The following ESRRG variants were observed in gnomAD, a reference collection of about 807,000 sequenced individuals.
ESRRG encodes the protein estrogen related receptor gamma, also known as estrogen-related receptor gamma.
A neutral mutation model predicts 44.0 loss-of-function variants in ESRRG; 13 were observed. That is an observed-to-expected ratio of 0.30 (90% confidence interval 0.19 to 0.47). ESRRG has a LOEUF of 0.47. ESRRG is among the 20% of genes least tolerant of loss of function. ESRRG has a pLI of 1.00. For missense variants in ESRRG, 395 were observed against 580.6 expected (o/e 0.68, Z 3.29); for synonymous variants, 215 against 214.6 (o/e 1.00, Z -0.02).
chr1:216,696,212 A>T (rs2151803495), intron 1 of ESRRG, among the ~76,000 whole-genome samples: 1 of 152,316 alleles, frequency 6.6e-6, no homozygotes, highest in Admixed American at 6.5e-5. Flanking sequence ...TTTACAGATG[A>T]GGAAAGAAAG....
intron 1 of ESRRG, among the ~76,000 whole-genome samples, chr1:217,036,765 A>G (rs2082971052): frequency 6.6e-6 from 1 of 152,054 alleles, no homozygotes; most frequent in Non-Finnish European, 1.5e-5. Context: ...AACCTCCATG[A>G]CACAATTTTA....
At chr1:216,640,176 AG>A (rs2066104160) in intron 3 of ESRRG, among the ~76,000 whole-genome samples, 1 of 152,156 alleles carries the variant, frequency 6.6e-6, no homozygotes, top group South Asian at 2.1e-4. Flanking sequence ...GTAGCCACAA[AG>A]CCGCACTGGC....
intron 3 of ESRRG, among the ~76,000 whole-genome samples, chr1:216,586,952 C>T (rs1227435566): frequency 3.9e-5 from 6 of 152,122 alleles, no homozygotes; most frequent in Non-Finnish European, 7.3e-5. Flanking sequence ...CTCCTTGAAA[C>T]TTCAACATCT....
intron 1 of ESRRG, among the ~76,000 whole-genome samples, chr1:216,990,109 C>T (rs2075453921): frequency 6.6e-6 from 1 of 152,076 alleles, no homozygotes; most frequent in South Asian, 2.1e-4. Context: ...GGAATGTCAC[C>T]AGAAATTTGT....
chr1:216,544,886 C>T (rs953385379), intron 5 of ESRRG, among the ~76,000 whole-genome samples: 1 of 151,834 alleles, frequency 6.6e-6, no homozygotes, highest in African/African-American at 2.4e-5. Flanking sequence ...CTGCATAAAA[C>T]TATGGTTTTA....
intron 1 of ESRRG, among the ~76,000 whole-genome samples, chr1:216,996,577 A>C (rs116471814): frequency 6.6e-6 from 1 of 152,166 alleles, no homozygotes; most frequent in Non-Finnish European, 1.5e-5. Flanking sequence ...GGTGAGAAAG[A>C]GTCAAGGAGT....
chr1:216,733,287 G>T (rs12089589), intron 2 of ESRRG, among the ~76,000 whole-genome samples: 9,341 of 151,070 alleles, frequency 0.062, 362 homozygotes, highest in African/African-American at 0.091. Flanking sequence ...GTGCTTTGGG[G>T]CCTGGGTATG....
At chr1:216,699,020 C>G (rs996194581) in intron 1 of ESRRG, among the ~76,000 whole-genome samples, 1 of 152,170 alleles carries the variant, frequency 6.6e-6, no homozygotes, top group African/African-American at 2.4e-5. Flanking sequence ...TGGAACCTCA[C>G]GAGGCTGAGG....
At chr1:217,018,828 A>G (rs2079843914) in intron 1 of ESRRG, among the ~76,000 whole-genome samples, 1 of 152,132 alleles carries the variant, frequency 6.6e-6, no homozygotes. Flanking sequence ...GCCAGCAGCT[A>G]TCATGCCCTA....
intron 1 of ESRRG, among the ~76,000 whole-genome samples, chr1:217,104,777 A>C (rs1351470027): frequency 6.6e-6 from 1 of 152,222 alleles, no homozygotes; most frequent in Non-Finnish European, 1.5e-5. Flanking sequence ...ATCAGCAGCC[A>C]CAGTTTTTCC....
At chr1:216,986,181 T>A (rs763721699) in intron 1 of ESRRG, among the ~76,000 whole-genome samples, 6 of 152,212 alleles carry the variant, frequency 3.9e-5, no homozygotes, top group Non-Finnish European at 5.9e-5. Flanking sequence ...TCCTGGTATT[T>A]GGCAAAGGAA....
At chr1:216,671,306 C>CAGTT in intron 2 of ESRRG, among the ~76,000 whole-genome samples, 1 of 152,276 alleles carries the variant, frequency 6.6e-6, no homozygotes, top group Non-Finnish European at 1.5e-5. Flanking sequence ...AATTTCCAGA[C>CAGTT]AGTTCACCTA....
chr1:216,992,848 G>A (rs2075911151), intron 1 of ESRRG, among the ~76,000 whole-genome samples: 1 of 152,116 alleles, frequency 6.6e-6, no homozygotes, highest in African/African-American at 2.4e-5. Flanking sequence ...TAACCATGGT[G>A]CCAGATGCCT....
chr1:216,555,551 C>A lies in ESRRG; in HGVS notation c.862+8668G>T, dbSNP rs2057366789. On this transcript the variant is annotated intron_variant, in intron 5 of 6. Coordinates refer to ENST00000408911, the MANE Select transcript of ESRRG (RefSeq NM_001438.4). ...TGCCCTCTTTAAAAAAAAAAAAAAA[C>A]CTGAATAGTTAAAACAATTTTAAGA... is the stretch of plus-strand genomic sequence containing the variant. Among the ~76,000 whole-genome samples the A allele has an allele frequency of 2.0e-5, 3 of 148,896 alleles. No individual in the cohort carries two copies. The South Asian group carries it at 6.3e-4, about 31-fold the overall frequency.
chr1:217,062,932 T>C (rs989953742), intron 1 of ESRRG, among the ~76,000 whole-genome samples: 2 of 152,094 alleles, frequency 1.3e-5, no homozygotes, highest in African/African-American at 4.8e-5. Flanking sequence ...AAGGATAAGG[T>C]GCACGCTACT....
chr1:216,535,818 T>C (rs1231259526), intron 5 of ESRRG, among the ~76,000 whole-genome samples: 2 of 152,104 alleles, frequency 1.3e-5, no homozygotes, highest in African/African-American at 4.8e-5. Context: ...TGCCTATCTG[T>C]TTATCTGTCT....
chr1:217,014,305 T>C (rs2079040844), intron 1 of ESRRG, among the ~76,000 whole-genome samples: 1 of 152,094 alleles, frequency 6.6e-6, no homozygotes, highest in African/African-American at 2.4e-5. Flanking sequence ...CTTTATTTCC[T>C]ACTCTTCTTT....
In ESRRG at chr1:216,642,798, A is replaced by G. The variant is rs568831932; in HGVS notation, c.589+8175T>C. On this transcript the variant is annotated intron_variant, in intron 3 of 6. Coordinates refer to ENST00000408911, the MANE Select transcript of ESRRG (RefSeq NM_001438.4). The stretch of plus-strand genomic sequence containing the variant: ...CAGCATAATGATACTAGACTTGAGG[A>G]AAAAAAATCACCTTGGCAATGTCTT... Among the ~76,000 whole-genome samples, 11 of 152,158 alleles carry G rather than the reference A, an allele frequency of 7.2e-5. No homozygotes were observed. The East Asian group carries it at 1.3e-3, about 19-fold the overall frequency.
intron 3 of ESRRG, among the ~76,000 whole-genome samples, chr1:216,644,427 C>CTTTT (rs71161439): frequency 1.9e-4 from 24 of 128,458 alleles, no homozygotes; most frequent in Non-Finnish European, 2.7e-4. Flanking sequence ...TTCTTTCTTT[C>CTTTT]TTTTTTTTTT....
Sources: gnomAD v4.1 joint callset for allele counts (sites outside exome capture counted in the v4.1 genomes callset) on GRCh38, gnomAD v4.1.1 for gene constraint, MANE v1.5 for transcripts, NCBI Gene and HGNC (gene_info 2026-07-23, HGNC 2026-07-21) for gene names.